The following AGBL1 variants were observed in gnomAD, a reference collection of about 807,000 sequenced individuals.
AGBL1 encodes the protein AGBL carboxypeptidase 1.
A neutral mutation model predicts 118.9 loss-of-function variants in AGBL1; 130 were observed. That is an observed-to-expected ratio of 1.09 (90% CI 0.95 to 1.26). The LOEUF is 1.26. AGBL1 is among the 50% of genes most tolerant of loss of function. AGBL1 has a pLI of 0.00. For missense variants in AGBL1, 1,584 were observed against 1,298.1 expected (o/e 1.22, Z -3.38); for synonymous variants, 555 against 478.9 (o/e 1.16, Z -2.08).
intron 21 of AGBL1, among the ~76,000 whole-genome samples, chr15:86,582,296 A>C (rs1314987290): frequency 1.3e-5 from 2 of 152,160 alleles, no homozygotes; most frequent in Admixed American, 6.5e-5. Flanking sequence ...TACAACATTA[A>C]TGGTATTTGA....
intron 24 of AGBL1, among the ~76,000 whole-genome samples, chr15:87,013,013 C>A (rs1223556009): frequency 3.4e-5 from 5 of 149,108 alleles, no homozygotes; most frequent in African/African-American, 1.2e-4. Flanking sequence ...ATTTTCTGAC[C>A]ACGGCTACTG....
intron 1 of AGBL1, among the ~76,000 whole-genome samples, chr15:86,081,273 G>C (rs1233342265): frequency 2.0e-5 from 3 of 152,108 alleles, no homozygotes; most frequent in Non-Finnish European, 4.4e-5. Flanking sequence ...TCAAACTCCT[G>C]ACCTCAGGTA....
intron 18 of AGBL1, among the ~76,000 whole-genome samples, chr15:86,433,063 C>T (rs1052403935): frequency 1.3e-5 from 2 of 152,112 alleles, no homozygotes; most frequent in African/African-American, 4.8e-5. Flanking sequence ...CAGCTGTGCT[C>T]AAGCCAGGGC....
chr15:86,148,834 C>T (rs534417793), intron 3 of AGBL1, among the ~76,000 whole-genome samples: 1 of 152,066 alleles, frequency 6.6e-6, no homozygotes, highest in East Asian at 1.9e-4. Context: ...GTCAGATTCA[C>T]CAAGGTTGAA....
At chr15:86,291,595 C>A (rs899311127) in intron 16 of AGBL1, among the ~76,000 whole-genome samples, 5 of 152,198 alleles carry the variant, frequency 3.3e-5, no homozygotes, top group African/African-American at 4.8e-5. Flanking sequence ...TAGTGAGAGT[C>A]TGGACTCCCA....
chr15:86,812,374 G>A (rs966001114), intron 22 of AGBL1, among the ~76,000 whole-genome samples: 33 of 152,264 alleles, frequency 2.2e-4, no homozygotes, highest in Non-Finnish European at 4.1e-4. Context: ...GAATACAAAA[G>A]GGGTTGAACA....
intron 22 of AGBL1, among the ~76,000 whole-genome samples, chr15:86,797,414 C>A (rs2078588773): frequency 6.6e-6 from 1 of 152,148 alleles, no homozygotes; most frequent in Non-Finnish European, 1.5e-5. Flanking sequence ...GAGCAGAACC[C>A]CCTCTTATTT....
chr15:86,163,882 CCT>C, intron 5 of AGBL1, among the ~76,000 whole-genome samples: 1 of 152,284 alleles, frequency 6.6e-6, no homozygotes, highest in East Asian at 1.9e-4. Flanking sequence ...CTTTTTTCCC[CCT>C]GATACCAGGC....
chr15:86,139,654 T>A (rs529744035), intron 1 of AGBL1, among the ~76,000 whole-genome samples: 2 of 152,192 alleles, frequency 1.3e-5, no homozygotes, highest in Non-Finnish European at 2.9e-5. Flanking sequence ...TATCTAGGGA[T>A]CCCTAGAGGT....
At chr15:87,023,581 C>A (rs994418867) in intron 24 of AGBL1, among the ~76,000 whole-genome samples, 1 of 151,970 alleles carries the variant, frequency 6.6e-6, no homozygotes, top group Non-Finnish European at 1.5e-5. Context: ...GTCATCAAGA[C>A]AGAAATTCAA....
intron 18 of AGBL1, among the ~76,000 whole-genome samples, chr15:86,470,623 T>C (rs572343037): frequency 6.6e-6 from 1 of 152,296 alleles, no homozygotes; most frequent in East Asian, 1.9e-4. Context: ...GTAGATCACT[T>C]GTAGCATGGA....
chr15:86,854,971 C>T (rs184930665), intron 22 of AGBL1, among the ~76,000 whole-genome samples: 7 of 152,152 alleles, frequency 4.6e-5, no homozygotes, highest in African/African-American at 1.4e-4. Context: ...TACACCCCCC[C>T]ACTGGTCCTA....
At chr15:86,898,562 A>G (rs546200054) in intron 22 of AGBL1, among the ~76,000 whole-genome samples, 1 of 152,312 alleles carries the variant, frequency 6.6e-6, no homozygotes, top group Non-Finnish European at 1.5e-5. Flanking sequence ...ATCTAATTAA[A>G]CTTAACAGCT....
chr15:86,192,277 T>C lies in AGBL1; in HGVS notation c.489-32637T>C, dbSNP rs57164020. ...AAATATAGATCATTTTAATACTGTATATATAATTTTTACATATAATGGAGC... is the reference window on the plus strand; with the variant it reads ...AAATATAGATCATTTTAATACTGTACATATAATTTTTACATATAATGGAGC... On this transcript the variant is annotated intron_variant, in intron 5 of 22. Transcript: ENST00000614907. 9.9e-4 allele frequency among the ~76,000 whole-genome samples: 148 copies of C among 150,078 alleles called. 2 individuals carry two copies. In the East Asian group the frequency reaches 0.012, roughly 12 times the overall value.
intron 21 of AGBL1, among the ~76,000 whole-genome samples, chr15:86,583,574 C>A (rs942821168): frequency 1.3e-5 from 2 of 152,070 alleles, no homozygotes; most frequent in African/African-American, 4.8e-5. Flanking sequence ...TTTATCCAGT[C>A]CACTGCTGAT....
At chr15:86,837,675 A>C (rs2079187878) in intron 22 of AGBL1, among the ~76,000 whole-genome samples, 1 of 152,218 alleles carries the variant, frequency 6.6e-6, no homozygotes, top group Non-Finnish European at 1.5e-5. Context: ...AGGGGGAGAA[A>C]TGAGAGCATT....
intron 22 of AGBL1, among the ~76,000 whole-genome samples, chr15:86,711,320 A>C (rs2086551902): frequency 6.6e-6 from 1 of 152,202 alleles, no homozygotes; most frequent in Admixed American, 6.5e-5. Context: ...GATCAATGAA[A>C]GCCTTTTGGT....
chr15:86,665,579 A>G (rs1037062662), intron 21 of AGBL1, among the ~76,000 whole-genome samples: 5 of 152,070 alleles, frequency 3.3e-5, no homozygotes, highest in African/African-American at 1.2e-4. Context: ...AGTTTATGGT[A>G]TTTCAGGTTA....
At chr15:86,680,930 A>G (rs2085943240) in intron 22 of AGBL1, among the ~76,000 whole-genome samples, 1 of 152,006 alleles carries the variant, frequency 6.6e-6, no homozygotes, top group Non-Finnish European at 1.5e-5. Context: ...AACAAAAATT[A>G]TTTCTCTACT....
Sources: gnomAD v4.1 joint callset for allele counts (sites outside exome capture counted in the v4.1 genomes callset) on GRCh38, gnomAD v4.1.1 for gene constraint, MANE v1.5 for transcripts, NCBI Gene and HGNC (gene_info 2026-07-23, HGNC 2026-07-21) for gene names.